The following RPS6KA5 variants were observed in gnomAD, a reference collection of about 807,000 sequenced individuals.
RPS6KA5 encodes ribosomal protein S6 kinase alpha-5.
In RPS6KA5, 27 loss-of-function variants were observed where a neutral mutation model predicts 85.5. That is an observed-to-expected ratio of 0.32 (90% CI 0.23 to 0.44). The LOEUF is 0.44. Ranked by LOEUF, RPS6KA5 falls within the 20% of genes least tolerant of loss-of-function variation. The pLI is 1.00. For missense variants in RPS6KA5, 811 were observed against 980.9 expected (o/e 0.83, Z 2.31); for synonymous variants, 334 against 348.2 (o/e 0.96, Z 0.46).
intron 7 of RPS6KA5, among the ~76,000 whole-genome samples, chr14:90,919,962 A>C (rs2036317822): frequency 6.6e-6 from 1 of 152,198 alleles, no homozygotes; most frequent in Non-Finnish European, 1.5e-5. Flanking sequence ...TCTGGGGCAC[A>C]CCAAAATCAT....
At chr14:90,891,411 C>T (rs1307215542) in intron 13 of RPS6KA5, among the ~76,000 whole-genome samples, 1 of 151,968 alleles carries the variant, frequency 6.6e-6, no homozygotes, top group Non-Finnish European at 1.5e-5. Context: ...TTCTTGATCA[C>T]TAAGACTCTG....
intron 1 of RPS6KA5, among the ~76,000 whole-genome samples, chr14:91,010,928 G>GA (rs2041230490): frequency 6.6e-6 from 1 of 151,972 alleles, no homozygotes; most frequent in Non-Finnish European, 1.5e-5. Context: ...TCAAGGGCAG[G>GA]AAAAAAACAA....
intron 1 of RPS6KA5, among the ~76,000 whole-genome samples, chr14:91,013,353 G>C (rs1287701781): frequency 6.6e-6 from 1 of 152,098 alleles, no homozygotes; most frequent in Non-Finnish European, 1.5e-5. Context: ...CAAGTCCAAG[G>C]AACAAGCACT....
chr14:90,936,391 T>C (rs549810059), intron 5 of RPS6KA5, among the ~76,000 whole-genome samples: 1 of 152,104 alleles, frequency 6.6e-6, no homozygotes, highest in African/African-American at 2.4e-5. Flanking sequence ...TGGTGAAACC[T>C]AGTCTCTGCA....
At chr14:90,949,205 A>G (rs914938195) in intron 3 of RPS6KA5, among the ~76,000 whole-genome samples, 5 of 152,212 alleles carry the variant, frequency 3.3e-5, no homozygotes, top group African/African-American at 9.6e-5. Context: ...TTATGCATAA[A>G]TGCTTTCCAT....
chr14:90,970,519 T>C (rs1053982891), intron 3 of RPS6KA5, among the ~76,000 whole-genome samples: 2 of 152,230 alleles, frequency 1.3e-5, no homozygotes, highest in Non-Finnish European at 2.9e-5. Context: ...TTACAAACAC[T>C]TTGGTGATTT....
intron 1 of RPS6KA5, among the ~76,000 whole-genome samples, chr14:91,028,756 G>A (rs2042076411): frequency 6.7e-6 from 1 of 148,556 alleles, no homozygotes; most frequent in South Asian, 2.2e-4. Context: ...CTGACCTCGT[G>A]ATCTGCCCGC....
At chr14:91,049,538 C>G (rs2042988703) in intron 1 of RPS6KA5, among the ~76,000 whole-genome samples, 1 of 152,030 alleles carries the variant, frequency 6.6e-6, no homozygotes. Flanking sequence ...TGGCGTGAAC[C>G]AAGGAAGCGG....
Position 90,864,601 on chromosome 14 carries a change from A to C in RPS6KA5, c.*7473T>G, listed in dbSNP as rs1236369462. ...AAGCACTTAGAAAGTAGAAAAGCAA[A>C]CTAAAGAGAAGACATTTATGGTAAA... On this transcript the variant is annotated 3_prime_UTR_variant, in exon 17 of 17. Transcript: ENST00000614987. The C allele has an allele frequency of 1.3e-5, 2 of 152,222 alleles. No homozygotes were observed. Among genetic ancestry groups the C allele is most frequent in the African/African-American group, 4.8e-5 (2 of 41,462 alleles). 9.4% of individuals were successfully genotyped at this position (152,222 alleles called of 1,614,324 possible). A position where few individuals can be genotyped will look rare whatever the true frequency, so the allele number is the denominator to read the frequency against.
In RPS6KA5 at chr14:90,855,898, C is replaced by T. The variant is rs944004754; in HGVS notation, c.*16176G>A. On this transcript the variant is annotated 3_prime_UTR_variant, in exon 17 of 17. Transcript: ENST00000614987. ...CTGGGATTACAGGCGTGAGTAGAGACAGCGTTTCGCCATGTTGGCCAGGCT... is the reference window on the plus strand; with the variant it reads ...CTGGGATTACAGGCGTGAGTAGAGATAGCGTTTCGCCATGTTGGCCAGGCT... 2.0e-5 allele frequency: 3 copies of T among 152,370 alleles called. No homozygotes were observed. Among genetic ancestry groups the T allele is most frequent in the African/African-American group, 7.2e-5 (3 of 41,440 alleles). The allele number at this position is 152,370 out of a possible 1,614,324, so 9.4% of individuals were successfully genotyped here.
intron 3 of RPS6KA5, among the ~76,000 whole-genome samples, chr14:90,972,481 A>G (rs1461289132): frequency 6.6e-6 from 1 of 152,254 alleles, no homozygotes; most frequent in East Asian, 1.9e-4. Flanking sequence ...TTCATAGAGG[A>G]AAAAGGAAGC....
chr14:91,049,009 C>G (rs2042969460), intron 1 of RPS6KA5, among the ~76,000 whole-genome samples: 1 of 152,160 alleles, frequency 6.6e-6, no homozygotes, highest in South Asian at 2.1e-4. Flanking sequence ...AATGTTGGGT[C>G]TGATACAGTA....
intron 13 of RPS6KA5, 88 bp downstream of exon 13, chr14:90,894,325 A>C (rs1452872368): frequency 2.9e-6 from 4 of 1,401,130 alleles, no homozygotes; most frequent in Non-Finnish European, 3.7e-6. Context: ...AAAAATAAGG[A>C]AACCTCCCCA....
chr14:91,058,330 TCA>T (rs1306576668), intron 1 of RPS6KA5, among the ~76,000 whole-genome samples: 2 of 152,238 alleles, frequency 1.3e-5, no homozygotes, highest in East Asian at 1.9e-4. Flanking sequence ...AGCTGATGAT[TCA>T]CACAGTTAGA....
At chr14:90,986,463 AT>A (rs1451169257) in intron 2 of RPS6KA5, among the ~76,000 whole-genome samples, 3 of 151,032 alleles carry the variant, frequency 2.0e-5, no homozygotes, top group Admixed American at 6.6e-5. Flanking sequence ...AAAAAAAAAA[AT>A]ACGTTAAAAT....
At chr14:90,932,946 C>G (rs2037062421) in intron 5 of RPS6KA5, among the ~76,000 whole-genome samples, 2 of 152,154 alleles carry the variant, frequency 1.3e-5, no homozygotes, top group Admixed American at 1.3e-4. Context: ...AAAAAACCCT[C>G]TTTTCATCCT....
At chr14:91,041,648 G>C (rs913409205) in intron 1 of RPS6KA5, among the ~76,000 whole-genome samples, 1 of 152,218 alleles carries the variant, frequency 6.6e-6, no homozygotes, top group African/African-American at 2.4e-5. Flanking sequence ...TTAACTGCCA[G>C]GTGCTAAGCT....
chr14:90,988,642 G>A (rs1257974673), intron 2 of RPS6KA5, among the ~76,000 whole-genome samples: 3 of 152,126 alleles, frequency 2.0e-5, no homozygotes, highest in African/African-American at 7.2e-5. Context: ...GTGAAACGCC[G>A]TCTCTACTAA....
intron 1 of RPS6KA5, among the ~76,000 whole-genome samples, chr14:91,023,411 C>A (rs2041867133): frequency 6.6e-6 from 1 of 151,926 alleles, no homozygotes; most frequent in Non-Finnish European, 1.5e-5. Context: ...CTCAGCCTCC[C>A]AAGTAGCTAG....
Sources: allele counts gnomAD v4.1 joint callset (sites outside exome capture counted in the v4.1 genomes callset), GRCh38; gene constraint gnomAD v4.1.1; transcripts MANE v1.5; gene names NCBI Gene and HGNC (gene_info 2026-07-23, HGNC 2026-07-21).